WDHD1: variants seen among roughly 807,000 people sequenced by gnomAD.
WDHD1 encodes the protein WD repeat and HMG-box DNA binding protein 1.
WDHD1 carries 111 observed loss-of-function variants against 135.4 expected under a neutral mutation model. The ratio of observed to expected loss-of-function variants is 0.82; its 90% CI spans 0.70 to 0.96. WDHD1 has a LOEUF of 0.96. WDHD1 is among the 40% of genes least tolerant of loss of function. WDHD1 has a pLI of 0.00. For synonymous variants in WDHD1, 434 were observed against 439.0 expected (o/e 0.99, Z 0.14); for missense variants, 1,351 against 1,336.3 (o/e 1.01, Z -0.17).
At chr14:55,019,523 C>T (rs1022540892) in intron 2 of WDHD1, among the ~76,000 whole-genome samples, 2 of 152,066 alleles carry the variant, frequency 1.3e-5, no homozygotes, top group African/African-American at 4.8e-5. Context: ...CTAGGTTCTA[C>T]CCCCAATAAA....
intron 24 of WDHD1, among the ~76,000 whole-genome samples, chr14:54,945,641 A>G (rs2040910300): frequency 6.6e-6 from 1 of 152,172 alleles, no homozygotes; most frequent in South Asian, 2.1e-4. Context: ...TCCAGGTTCA[A>G]GTGATTCTCC....
At chr14:54,989,981 T>C in intron 12 of WDHD1, among the ~76,000 whole-genome samples, 1 of 152,134 alleles carries the variant, frequency 6.6e-6, no homozygotes, top group East Asian at 1.9e-4. Flanking sequence ...CATAAATTGA[T>C]ACCACTTGGA....
chr14:55,021,004 A>T (rs1354195137), intron 2 of WDHD1, among the ~76,000 whole-genome samples: 3 of 152,174 alleles, frequency 2.0e-5, no homozygotes, highest in African/African-American at 7.2e-5. Context: ...GAACACGAAG[A>T]GGAGTTGGTC....
In WDHD1 at chr14:54,963,102, T is replaced by C. The variant is rs2041280917; in HGVS notation, c.2381A>G (p.Asn794Ser). The change falls in exon 19 of 26, where the codon AAT (asparagine) becomes AGT (serine). Residue 794 changes from asparagine (N) to serine (S), a missense_variant. This residue lies in a region of WDHD1 where 1,330 missense variants were observed against 1,296.1 expected (regional missense o/e 1.03). Coordinates refer to ENST00000360586, the MANE Select transcript of WDHD1 (RefSeq NM_007086.4). ...GCGAGAAGCATATTTAATGGCTAAA[T>C]TCACAGCATTTTGAGTCATTAGATC... Reference protein sequence around the residue: ...LADLMTQNAVNLAIKYASRSR... With the variant: ...LADLMTQNAVSLAIKYASRSR... The C allele has an allele frequency of 1.4e-6, 2 of 1,468,980 alleles. No individual in the cohort carries two copies. The highest frequency in any genetic ancestry group is 9.2e-7 in the Non-Finnish European group (1 of 1,092,824). The allele number at this position is 1,468,980 out of a possible 1,614,324, so 91.0% of individuals were successfully genotyped here. A position where few individuals can be genotyped will look rare whatever the true frequency, so the allele number is the denominator to read the frequency against.
chr14:55,004,129 T>C (rs1182788101), intron 7 of WDHD1, among the ~76,000 whole-genome samples: 2 of 152,204 alleles, frequency 1.3e-5, no homozygotes. Context: ...AATAATATAG[T>C]AAATACCTAT....
intron 11 of WDHD1, among the ~76,000 whole-genome samples, chr14:54,993,618 C>T (rs1046807456): frequency 1.3e-5 from 2 of 152,044 alleles, no homozygotes; most frequent in African/African-American, 4.8e-5. Context: ...TATGTGAGGC[C>T]AAATTTTCTT....
chr14:55,017,222 C>G (rs2042275370), intron 2 of WDHD1, among the ~76,000 whole-genome samples: 1 of 152,158 alleles, frequency 6.6e-6, no homozygotes, highest in African/African-American at 2.4e-5. Context: ...TTCAGCAGTC[C>G]TGCGAAAGAA....
chr14:54,988,694 G>A (rs1326621348), intron 13 of WDHD1, among the ~76,000 whole-genome samples: 1 of 149,126 alleles, frequency 6.7e-6, no homozygotes, highest in Admixed American at 6.7e-5. Flanking sequence ...CTGTATACTG[G>A]TTTTTTTTCT....
At position 54,981,484 on chromosome 14, in the gene WDHD1, G is replaced by T; in HGVS notation, c.2063+56C>A. 2.6e-6 allele frequency: 4 copies of T among 1,546,568 alleles called. 1 individual carries two copies. The South Asian group carries it at 4.8e-5, about 18-fold the overall frequency. On this transcript the variant is annotated intron_variant, in intron 16 of 25. Transcript: ENST00000360586. ...ATACACTTAAAGGGCCTCATAAAAA[G>T]AATTTCAACATACTTTTTAAAAAGA...
chr14:54,967,445 A>C (rs1309277713), intron 16 of WDHD1, 51 bp from the exon 17 acceptor site: 5 of 1,399,998 alleles, frequency 3.6e-6, no homozygotes, highest in Non-Finnish European at 4.9e-6. Context: ...ATGTCATAAA[A>C]ACTACAAAAT....
chr14:55,008,869 C>CGGCT, intron 4 of WDHD1, 150 bp from the exon 5 acceptor site: 3 of 561,334 alleles, frequency 5.3e-6, no homozygotes, highest in Admixed American at 3.5e-5. Flanking sequence ...GGTGCGATCT[C>CGGCT]AACTGCAACC....
At chr14:54,960,173 T>C (rs1220029645) in intron 21 of WDHD1, among the ~76,000 whole-genome samples, 2 of 152,142 alleles carry the variant, frequency 1.3e-5, no homozygotes, top group Non-Finnish European at 1.5e-5. Flanking sequence ...TTTGTTTGTT[T>C]ATTTATTTAT....
intron 2 of WDHD1, among the ~76,000 whole-genome samples, chr14:55,018,162 G>C (rs763876876): frequency 3.4e-4 from 52 of 151,926 alleles, no homozygotes; most frequent in Non-Finnish European, 6.9e-4. Context: ...CTGTAATAAT[G>C]GTATTATTAT....
At chr14:54,984,948 G>A in intron 14 of WDHD1, 88 bp from the exon 15 acceptor site, 3 of 1,525,818 alleles carry the variant, frequency 2.0e-6, no homozygotes, top group South Asian at 1.2e-5. Flanking sequence ...TTGATTTTGT[G>A]GTAAATTACT....
At chr14:54,947,744 A>G (rs533364754) in intron 24 of WDHD1, among the ~76,000 whole-genome samples, 10 of 151,936 alleles carry the variant, frequency 6.6e-5, no homozygotes, top group African/African-American at 2.2e-4. Flanking sequence ...GGCATGAGCC[A>G]CCATACCTGG....
intron 18 of WDHD1, 73 bp from the exon 19 acceptor site, chr14:54,963,245 T>C: frequency 3.4e-6 from 4 of 1,179,598 alleles, no homozygotes; most frequent in Non-Finnish European, 4.9e-6. Flanking sequence ...CTGACACTAC[T>C]AGTAAAACTG....
chr14:54,988,692 T>C (rs1399725987), intron 13 of WDHD1, among the ~76,000 whole-genome samples: 1 of 151,326 alleles, frequency 6.6e-6, no homozygotes, highest in East Asian at 1.9e-4. Context: ...TACTGTATAC[T>C]GGTTTTTTTT....
At chr14:54,998,951 C>T (rs964132710) in intron 10 of WDHD1, among the ~76,000 whole-genome samples, 4 of 152,210 alleles carry the variant, frequency 2.6e-5, no homozygotes, top group African/African-American at 7.2e-5. Context: ...TTAATCCTCC[C>T]AATAACCCCA....
chr14:55,021,861 C>T (rs2042354034), intron 2 of WDHD1, among the ~76,000 whole-genome samples: 1 of 152,230 alleles, frequency 6.6e-6, no homozygotes, highest in Non-Finnish European at 1.5e-5. Context: ...TTGTTTCGGG[C>T]TCGATGGCCT....
Sources: gnomAD v4.1 joint callset for allele counts (sites outside exome capture counted in the v4.1 genomes callset) on GRCh38, gnomAD v4.1.1 for gene constraint, gnomAD v4.1.1 regional missense constraint, MANE v1.5 for transcripts, NCBI Gene and HGNC (gene_info 2026-07-23, HGNC 2026-07-21) for gene names.